ARID5A: variants seen among roughly 807,000 people sequenced by gnomAD.
The protein encoded by ARID5A is AT-rich interactive domain-containing protein 5A.
A neutral mutation model predicts 30.5 loss-of-function variants in ARID5A; 14 were observed. The ratio of observed to expected loss-of-function variants is 0.46; its 90% CI spans 0.30 to 0.72. The LOEUF (loss-of-function observed/expected upper bound fraction) is 0.72. Ranked by LOEUF, ARID5A falls within the 30% of genes least tolerant of loss-of-function variation. The pLI, the probability that ARID5A is intolerant of heterozygous loss-of-function variation, is 0.07. For synonymous variants in ARID5A, 338 were observed against 340.4 expected (o/e 0.99, Z 0.08); for missense variants, 669 against 786.2 (o/e 0.85, Z 1.78).
chr2:96,552,606 T>C lies in ARID5A; in HGVS notation c.*293T>C. 6.9e-7 allele frequency: 1 copy of C among 1,448,962 alleles called. No individual in the cohort carries two copies. The highest frequency in any genetic ancestry group is 1.4e-5 in the African/African-American group (1 of 70,464). 89.8% of individuals were successfully genotyped at this position (1,448,962 alleles called of 1,614,324 possible). On this transcript the variant is annotated 3_prime_UTR_variant, in exon 7 of 7. Coordinates refer to ENST00000357485, the MANE Select transcript of ARID5A (RefSeq NM_212481.3). ...AAGCACCCAGGTTGCCCACGGAAAA[T>C]CCAATAAAAAGACACCAGTGTGAAT...
intron 1 of ARID5A, among the ~76,000 whole-genome samples, chr2:96,545,958 A>C (rs2065920673): frequency 6.6e-6 from 1 of 152,142 alleles, no homozygotes; most frequent in African/African-American, 2.4e-5. Context: ...TGACTCAAAA[A>C]AAAAAAAAGA....
At chr2:96,544,840 A>C (rs1438329695) in intron 1 of ARID5A, among the ~76,000 whole-genome samples, 3 of 152,248 alleles carry the variant, frequency 2.0e-5, no homozygotes, top group African/African-American at 7.2e-5. Flanking sequence ...AAATACATTG[A>C]AAACCTCCGG....
In ARID5A at chr2:96,552,117, T is replaced by C. The variant is rs1477169874; in HGVS notation, c.1589T>C (p.Val530Ala). ...GQAALPFSPL[V>A]IPAFPAHFLA... is the part of the protein sequence containing the mutation. ...GCTGCACTCCCCTTCAGCCCCCTGGTCATCCCGGCCTTCCCGGCCCACTTC... is the reference window on the plus strand; with the variant it reads ...GCTGCACTCCCCTTCAGCCCCCTGGCCATCCCGGCCTTCCCGGCCCACTTC... Residue 530 changes from valine (V) to alanine (A), a missense_variant, in exon 7 of 7, where the codon GTC becomes GCC. Val to Ala is a moderately conservative substitution (Grantham distance 64). Transcript: ENST00000357485. 3 of 1,609,990 alleles carry C rather than the reference T, an allele frequency of 1.9e-6. 1 individual carries two copies. In the South Asian group the frequency reaches 3.3e-5, roughly 18 times the overall value.
chr2:96,547,431 T>TGACG lies in ARID5A; in HGVS notation c.34_35insGACG (p.Ser12Ter). The TGACG allele has an allele frequency of 6.2e-7, 1 of 1,613,904 alleles. No individual in the cohort carries two copies. Among genetic ancestry groups the TGACG allele is most frequent in the Non-Finnish European group, 8.5e-7 (1 of 1,179,958 alleles). ...CCCTGTCAAAGGGAACAGGAAGCAG[T>TGACG]CCACGGAGGGTGACGCCCTAGACCC... On this transcript the variant is annotated stop_gained and frameshift_variant, in exon 2 of 7. Coordinates refer to ENST00000357485, the MANE Select transcript of ARID5A (RefSeq NM_212481.3). LOFTEE classifies it high-confidence loss of function.
In ARID5A at chr2:96,550,995, G is replaced by C; in HGVS notation, c.571-104G>C. 1 of 1,358,474 alleles carries C rather than the reference G, an allele frequency of 7.4e-7. No homozygotes were observed. Among genetic ancestry groups the C allele is most frequent in the Admixed American group, 2.2e-5 (1 of 45,454 alleles). 84.2% of individuals were successfully genotyped at this position (1,358,474 alleles called of 1,614,324 possible). On this transcript the variant is annotated intron_variant, in intron 6 of 6. Coordinates refer to ENST00000357485, the MANE Select transcript of ARID5A (RefSeq NM_212481.3). This position sits in a 1 kb window ranked among gnomAD's most constrained non-coding sequence, Gnocchi z 6.6. The stretch of plus-strand genomic sequence containing the variant: ...GAAAATTCTGTACAGAGGACTGCAG[G>C]GGCTGGCGGGGGACCTGGGCAGGCC...
chr2:96,542,506 T>C (rs1211040895), intron 1 of ARID5A, among the ~76,000 whole-genome samples: 1 of 152,100 alleles, frequency 6.6e-6, no homozygotes, highest in Non-Finnish European at 1.5e-5. Context: ...GCTTGCAAAC[T>C]CTGAACCATG....
At chr2:96,542,281 C>T (rs967536405) in intron 1 of ARID5A, among the ~76,000 whole-genome samples, 4 of 152,160 alleles carry the variant, frequency 2.6e-5, no homozygotes, top group Admixed American at 6.5e-5. Flanking sequence ...CCCAGAGGGC[C>T]CTGGCAGGAC....
At position 96,551,776 on chromosome 2, in the gene ARID5A, C is replaced by T. The variant is rs780831070; in HGVS notation, c.1248C>T (p.Cys416=). The T allele has an allele frequency of 2.6e-6, 4 of 1,537,414 alleles. No individual in the cohort carries two copies. The highest frequency in any genetic ancestry group is 3.5e-6 in the Non-Finnish European group (4 of 1,146,824). The change falls in exon 7 of 7, where the codon TGC becomes TGT. Residue 416 remains cysteine, a synonymous_variant. Transcript: ENST00000357485. ...TCCTCTACCCCAAGCCCAAAGCCTGCTGGGTGTCCCCCATGGCCAAGGTCC... is the reference window on the plus strand; with the variant it reads ...TCCTCTACCCCAAGCCCAAAGCCTGTTGGGTGTCCCCCATGGCCAAGGTCC... ...KGILYPKPKA[C]WVSPMAKVPA... is the part of the protein sequence containing the mutation.
At chr2:96,545,483 C>T (rs2065912639) in intron 1 of ARID5A, among the ~76,000 whole-genome samples, 1 of 152,112 alleles carries the variant, frequency 6.6e-6, no homozygotes, top group African/African-American at 2.4e-5. Flanking sequence ...GTGGAATCTA[C>T]TGGCGAAGAT....
chr2:96,550,060 C>T lies in ARID5A; in HGVS notation c.313-128C>T, dbSNP rs760932244. On this transcript the variant is annotated intron_variant, in intron 4 of 6. Coordinates refer to ENST00000357485, the MANE Select transcript of ARID5A (RefSeq NM_212481.3). The surrounding 1 kb of genome is among the most constrained non-coding windows in gnomAD (Gnocchi z 6.6). The stretch of plus-strand genomic sequence containing the variant: ...GCCCTAGGAGAGAGAATCGGCTGGC[C>T]GCTGCTGGAGCCGCAGAGCAGCTGC... 17 of 1,532,672 alleles carry T rather than the reference C, an allele frequency of 1.1e-5. No individual in the cohort carries two copies. The highest frequency in any genetic ancestry group is 5.9e-5 in the Admixed American group (3 of 50,944). 94.9% of individuals were successfully genotyped at this position (1,532,672 alleles called of 1,614,324 possible).
Position 96,537,855 on chromosome 2 carries a change from G to A in ARID5A, c.4+1025G>A. 1 of 985,430 alleles carries A rather than the reference G, an allele frequency of 1.0e-6. No individual in the cohort carries two copies. The highest frequency in any genetic ancestry group is 1.2e-6 in the Non-Finnish European group (1 of 829,908). The allele number at this position is 985,430 out of a possible 1,614,324, so 61.0% of individuals were successfully genotyped here. On this transcript the variant is annotated intron_variant, in intron 1 of 6. Coordinates refer to ENST00000357485, the MANE Select transcript of ARID5A (RefSeq NM_212481.3). This position sits in a 1 kb window ranked among gnomAD's most constrained non-coding sequence, Gnocchi z 4.8. ...CCCAGGGGGTCCCAAGGCGCTGCGG[G>A]TCCAGTGTCCCTTTGTTTGCAGAGT... is the stretch of plus-strand genomic sequence containing the variant.
rs906801991 is a variant in ARID5A, at chr2:96,537,788, C to G, written c.4+958C>G. On this transcript the variant is annotated intron_variant, in intron 1 of 6. Coordinates refer to ENST00000357485, the MANE Select transcript of ARID5A (RefSeq NM_212481.3). This position sits in a 1 kb window ranked among gnomAD's most constrained non-coding sequence, Gnocchi z 4.8. Reference sequence around the variant, plus strand: ...TGGGGTCGCGTCACCCTCCGCCCAGCGCCGGCGTGGTGGGGCTTGCGCGGT... The same window carrying G: ...TGGGGTCGCGTCACCCTCCGCCCAGGGCCGGCGTGGTGGGGCTTGCGCGGT... The G allele has an allele frequency of 1.1e-6, 1 of 902,204 alleles. No individual in the cohort carries two copies. The allele number at this position is 902,204 out of a possible 1,614,324, so 55.9% of individuals were successfully genotyped here.
chr2:96,551,469 C>G lies in ARID5A; in HGVS notation c.941C>G (p.Pro314Arg). 1 of 1,589,418 alleles carries G rather than the reference C, an allele frequency of 6.3e-7. No individual in the cohort carries two copies. The highest frequency in any genetic ancestry group is 8.6e-7 in the Non-Finnish European group (1 of 1,168,134). The part of the protein sequence containing the change: ...LTENSRHRLT[P>R]QEGLQAPGGS... ...GAGAACTCCAGGCACCGGCTGACCCCTCAGGAGGGATTGCAGGCCCCAGGT... is the reference window on the plus strand; with the variant it reads ...GAGAACTCCAGGCACCGGCTGACCCGTCAGGAGGGATTGCAGGCCCCAGGT... The change falls in exon 7 of 7, where the codon CCT becomes CGT. Residue 314 changes from proline to arginine, a missense_variant. This residue lies in a region of ARID5A where 548 missense variants were observed against 577.4 expected (regional missense o/e 0.95). Transcript: ENST00000357485.
intron 1 of ARID5A, among the ~76,000 whole-genome samples, chr2:96,540,508 G>T (rs1353723241): frequency 6.6e-6 from 1 of 152,084 alleles, no homozygotes; most frequent in Non-Finnish European, 1.5e-5. Context: ...CTGTTATCAG[G>T]GTTTTTCTAA....
Position 96,551,704 on chromosome 2 carries a change from C to A in ARID5A, c.1176C>A (p.Asp392Glu), listed in dbSNP as rs370250927. ...AGCCCCAGCTGGTGTGGGGCGGAGA[C>A]GCTAACCGCCCTTCTGCGTTCCATA... ...VKEPQLVWGG[D>E]ANRPSAFHKG... is the part of the protein sequence containing the mutation. The change falls in exon 7 of 7, where the codon GAC (aspartate) becomes GAA (glutamate). Residue 392 changes from aspartate (D) to glutamate (E), a missense_variant. Asp to Glu is a conservative substitution (Grantham distance 45). Around this residue, in one of 4 missense-constraint regions of ARID5A, gnomAD observed 548 missense variants for 577.4 expected, o/e 0.95. Coordinates refer to ENST00000357485, the MANE Select transcript of ARID5A (RefSeq NM_212481.3). The A allele has an allele frequency of 6.6e-7, 1 of 1,519,890 alleles. No homozygotes were observed. The highest frequency in any genetic ancestry group is 8.8e-7 in the Non-Finnish European group (1 of 1,136,292). The allele number at this position is 1,519,890 out of a possible 1,614,324, so 94.2% of individuals were successfully genotyped here.
chr2:96,550,195 G>C lies in ARID5A; in HGVS notation c.320G>C (p.Gly107Ala). ...CACGAGGTGCCCTTGCAGGTGACCGGGCGCCGCCTCTGGAAGAACGTGTAC... is the reference window on the plus strand; with the variant it reads ...CACGAGGTGCCCTTGCAGGTGACCGCGCGCCGCCTCTGGAAGAACGTGTAC... ...EKLGAYELVTGRRLWKNVYDE... is the reference protein window; with the variant it reads ...EKLGAYELVTARRLWKNVYDE... The change falls in exon 5 of 7, where the codon GGG (glycine) becomes GCG (alanine). Residue 107 changes from glycine to alanine, a missense_variant. By Grantham distance (60) the Gly-to-Ala change is moderately conservative (BLOSUM62 0). Around this residue, in one of 4 missense-constraint regions of ARID5A, gnomAD observed 64 missense variants for 119.7 expected, o/e 0.53. Coordinates refer to ENST00000357485, the MANE Select transcript of ARID5A (RefSeq NM_212481.3). This position sits in a 1 kb window ranked among gnomAD's most constrained non-coding sequence, Gnocchi z 6.6. The C allele has an allele frequency of 1.3e-6, 2 of 1,534,782 alleles. No homozygotes were observed. Among genetic ancestry groups the C allele is most frequent in the Non-Finnish European group, 1.8e-6 (2 of 1,142,190 alleles).
At chr2:96,538,920 C>T (rs1037773806) in intron 1 of ARID5A, among the ~76,000 whole-genome samples, 12 of 152,248 alleles carry the variant, frequency 7.9e-5, no homozygotes, top group East Asian at 7.7e-4. Context: ...GGGGTGTGTG[C>T]CTCCAGCAGA....
chr2:96,551,060 G>C (rs760486926), intron 6 of ARID5A, 39 bp from the exon 7 acceptor site: 7 of 1,575,732 alleles, frequency 4.4e-6, no homozygotes, highest in Non-Finnish European at 4.3e-6. Flanking sequence ...AGGATGTGGG[G>C]CTGAGGCAGT....
Position 96,550,565 on chromosome 2 carries a change from C to T in ARID5A, c.411-9C>T, listed in dbSNP as rs1044233098. The T allele has an allele frequency of 1.3e-6, 2 of 1,591,598 alleles. No individual in the cohort carries two copies. The highest frequency in any genetic ancestry group is 2.7e-5 in the African/African-American group (2 of 74,408). The stretch of plus-strand genomic sequence containing the variant: ...GGCCTCCTGGGGGACATGCGTGGTT[C>T]CTCACCAGGCTGGTCCTGCCATACG... On this transcript the variant is annotated splice_polypyrimidine_tract_variant and intron_variant, in intron 5 of 6. Coordinates refer to ENST00000357485, the MANE Select transcript of ARID5A (RefSeq NM_212481.3). The surrounding 1 kb of genome is among the most constrained non-coding windows in gnomAD (Gnocchi z 6.6).
Sources: allele counts gnomAD v4.1 joint callset (sites outside exome capture counted in the v4.1 genomes callset), GRCh38; gene constraint gnomAD v4.1.1; regional missense constraint gnomAD v4.1.1; non-coding constraint Gnocchi (gnomAD v3.1); transcripts MANE v1.5; gene names NCBI Gene and HGNC (gene_info 2026-07-23, HGNC 2026-07-21).